CSNK1G1: variants seen among roughly 807,000 people sequenced by gnomAD.
CSNK1G1 encodes casein kinase 1 gamma 1.
CSNK1G1 carries 22 observed loss-of-function variants against 59.6 expected under a neutral mutation model. The observed-to-expected ratio is 0.37, with a 90% CI of 0.26 to 0.53. The LOEUF (loss-of-function observed/expected upper bound fraction) is 0.53, where lower values mean the gene tolerates loss of function less well. Among genes scored for constraint, CSNK1G1 ranks in the 20% least tolerant of loss-of-function variants. CSNK1G1 has a pLI of 0.89. For synonymous variants in CSNK1G1, 179 were observed against 177.1 expected, an observed-to-expected ratio of 1.01 and a Z score of -0.08; for missense variants, 384 against 519.5, an observed-to-expected ratio of 0.74 and a Z score of 2.54.
At chr15:64,219,653 T>C (rs2082359511) in intron 4 of CSNK1G1, among the ~76,000 whole-genome samples, 1 of 152,076 alleles carries the variant, frequency 6.6e-6, no homozygotes, top group South Asian at 2.1e-4. Flanking sequence ...AGAGATGAGC[T>C]CCCACTATGT....
chr15:64,318,812 TG>T (rs2140435260), intron 1 of CSNK1G1, among the ~76,000 whole-genome samples: 1 of 152,108 alleles, frequency 6.6e-6, no homozygotes, highest in African/African-American at 2.4e-5. Flanking sequence ...GGTTTCACCA[TG>T]TTGGCCGGGC....
At position 64,188,851 on chromosome 15, in the gene CSNK1G1, G is replaced by A. The variant is rs148145100; in HGVS notation, c.1108-8397C>T. Among the ~76,000 whole-genome samples the A allele has an allele frequency of 2.7e-3, 404 of 152,302 alleles. 1 individual carries two copies. Among genetic ancestry groups the A allele is most frequent in the African/African-American group, 9.4e-3 (392 of 41,560 alleles). ...CAAACTCAGAATGTTAAGATTGTTC[G>A]GAGTGGTGGCATACGCCTATAATCT... On this transcript the variant is annotated intron_variant, in intron 10 of 11. Transcript: ENST00000303052. This position sits in a 1 kb window ranked among gnomAD's most constrained non-coding sequence, Gnocchi z 4.2.
At position 64,188,708 on chromosome 15, in the gene CSNK1G1, C is replaced by G. The variant is rs2081930291; in HGVS notation, c.1108-8254G>C. Among the ~76,000 whole-genome samples the G allele has an allele frequency of 1.3e-5, 2 of 151,936 alleles. No individual in the cohort carries two copies. The highest frequency in any genetic ancestry group is 1.3e-4 in the Admixed American group (2 of 15,184). Reference sequence around the variant, plus strand: ...GAATCTATATCACACCCTCCTTACCCAGAACCAGAAAACCAATAACGACCA... The same window carrying G: ...GAATCTATATCACACCCTCCTTACCGAGAACCAGAAAACCAATAACGACCA... On this transcript the variant is annotated intron_variant, in intron 10 of 11. Transcript: ENST00000303052. The surrounding 1 kb of genome is among the most constrained non-coding windows in gnomAD (Gnocchi z 4.2).
Position 64,261,701 on chromosome 15 carries a change from T to C in CSNK1G1, c.182-2460A>G, listed in dbSNP as rs77546235. 2.6e-4 allele frequency among the ~76,000 whole-genome samples: 40 copies of C among 151,792 alleles called. 2 individuals carry two copies. In the East Asian group the frequency reaches 3.9e-3, roughly 15 times the overall value. On this transcript the variant is annotated intron_variant, in intron 2 of 11. Coordinates refer to ENST00000303052, the MANE Select transcript of CSNK1G1 (RefSeq NM_022048.5). ...AGCTCACACTTGTAATCCCAGCACT[T>C]GGGGAGGGCGAGGCAGGTGGCTCAA...
chr15:64,203,509 GC>G (rs2082136195), intron 9 of CSNK1G1, among the ~76,000 whole-genome samples: 1 of 151,584 alleles, frequency 6.6e-6, no homozygotes, highest in South Asian at 2.1e-4. Flanking sequence ...ACCAGACTGA[GC>G]AACATGGAGA....
chr15:64,324,932 G>A (rs1896766718), intron 1 of CSNK1G1, among the ~76,000 whole-genome samples: 1 of 152,086 alleles, frequency 6.6e-6, no homozygotes. Context: ...TTCAAGTTTT[G>A]AATACATCAA....
At chr15:64,267,745 G>A (rs1365470381) in intron 2 of CSNK1G1, among the ~76,000 whole-genome samples, 1 of 152,008 alleles carries the variant, frequency 6.6e-6, no homozygotes, top group Admixed American at 6.6e-5. Flanking sequence ...AATATGAAGA[G>A]TTCTCAAAAA....
At chr15:64,289,074 C>G (rs1479705608) in intron 2 of CSNK1G1, among the ~76,000 whole-genome samples, 2 of 151,628 alleles carry the variant, frequency 1.3e-5, no homozygotes, top group African/African-American at 4.8e-5. Context: ...ACTCCAGAGG[C>G]TGAGGCAAGG....
intron 4 of CSNK1G1, among the ~76,000 whole-genome samples, chr15:64,221,700 A>G (rs1356761886): frequency 6.6e-6 from 1 of 151,830 alleles, no homozygotes; most frequent in Admixed American, 6.6e-5. Flanking sequence ...ATTCATCTGT[A>G]AAGAGGAGGG....
chr15:64,345,771 T>A (rs1171825089), intron 1 of CSNK1G1, among the ~76,000 whole-genome samples: 1 of 152,172 alleles, frequency 6.6e-6, no homozygotes, highest in Non-Finnish European at 1.5e-5. Flanking sequence ...AACATCCTTA[T>A]TAACGCTTGT....
Position 64,207,586 on chromosome 15 carries a change from G to T in CSNK1G1, c.688C>A (p.Arg230=), listed in dbSNP as rs587777544. 6.2e-7 allele frequency: 1 copy of T among 1,613,358 alleles called. No homozygotes were observed. Among genetic ancestry groups the T allele is most frequent in the East Asian group, 2.2e-5 (1 of 44,868 alleles). Residue 230 remains arginine, a synonymous_variant, in exon 7 of 12, where the codon CGG becomes AGG. Transcript: ENST00000303052. ...CCTAGGGCTTCCAAATCATCTCTCC[G>T]GCTTTGCTCTAAAAGGGAAGACAGA... The part of the protein sequence containing the change: ...INTHLGKEQS[R]RDDLEALGHM...
At chr15:64,233,967 C>A (rs1054985614) in intron 4 of CSNK1G1, among the ~76,000 whole-genome samples, 1 of 152,150 alleles carries the variant, frequency 6.6e-6, no homozygotes, top group Admixed American at 6.6e-5. Flanking sequence ...TAAAATGTTT[C>A]CTGACAATGC....
chr15:64,215,061 A>G (rs2082293381), intron 5 of CSNK1G1, among the ~76,000 whole-genome samples: 1 of 150,690 alleles, frequency 6.6e-6, no homozygotes, highest in South Asian at 2.1e-4. Context: ...TCAGCCTCAC[A>G]AAGTGCTGGG....
rs141062557 is a variant in CSNK1G1, at chr15:64,207,177, C to CA, written c.765+331dup. ...TGTGAACAAAACAGTTTCCAAAGCC[C>CA]AGGAGAGCATTTATAATGTAGACTA... On this transcript the variant is annotated intron_variant, in intron 7 of 11. Transcript: ENST00000303052. 8.3e-3 allele frequency among the ~76,000 whole-genome samples: 1,263 copies of CA among 152,276 alleles called. 17 individuals carry two copies. The highest frequency in any genetic ancestry group is 0.028 in the African/African-American group (1,184 of 41,556).
At chr15:64,294,807 GA>G (rs1894926451) in intron 2 of CSNK1G1, among the ~76,000 whole-genome samples, 1 of 150,904 alleles carries the variant, frequency 6.6e-6, no homozygotes, top group African/African-American at 2.4e-5. Context: ...AGCTACTTGG[GA>G]GACTGAGGCA....
At chr15:64,273,203 G>A (rs914984429) in intron 2 of CSNK1G1, among the ~76,000 whole-genome samples, 3 of 152,130 alleles carry the variant, frequency 2.0e-5, no homozygotes, top group African/African-American at 7.2e-5. Context: ...CTATGAACAT[G>A]CTAACTACCC....
intron 2 of CSNK1G1, among the ~76,000 whole-genome samples, chr15:64,266,511 G>GA (rs1038897580): frequency 2.0e-5 from 3 of 151,068 alleles, no homozygotes; most frequent in East Asian, 1.9e-4. Flanking sequence ...CACAGAAAGA[G>GA]AAAAAAAAAT....
At position 64,214,511 on chromosome 15, in the gene CSNK1G1, C is replaced by T. The variant is rs552103638; in HGVS notation, c.445-387G>A. On this transcript the variant is annotated intron_variant, in intron 5 of 11. Transcript: ENST00000303052. The surrounding 1 kb of genome is among the most constrained non-coding windows in gnomAD (Gnocchi z 4.3). ...CTGTTGGTGACCTTTGAGACAAATG[C>T]CACTGCTACATTCACCTTCTGCCCA... Among the ~76,000 whole-genome samples, 1 of 152,234 alleles carries T rather than the reference C, an allele frequency of 6.6e-6. No individual in the cohort carries two copies. Among genetic ancestry groups the T allele is most frequent in the East Asian group, 1.9e-4 (1 of 5,178 alleles).
At chr15:64,207,990 CAAACTGTTA>C (rs1319401849) in intron 6 of CSNK1G1, among the ~76,000 whole-genome samples, 1 of 152,146 alleles carries the variant, frequency 6.6e-6, no homozygotes, top group Admixed American at 6.5e-5. Context: ...TTAAGCAACC[CAAACTGTTA>C]AAACAGTCCA....
Sources: gnomAD v4.1 joint callset for allele counts (sites outside exome capture counted in the v4.1 genomes callset) on GRCh38, gnomAD v4.1.1 for gene constraint, Gnocchi (gnomAD v3.1) non-coding constraint, MANE v1.5 for transcripts, NCBI Gene and HGNC (gene_info 2026-07-23, HGNC 2026-07-21) for gene names.